ODF2L: variants seen among roughly 807,000 people sequenced by gnomAD.
ODF2L encodes outer dense fiber of sperm tails 2 like, also known as protein BCAP.
A neutral mutation model predicts 86.3 loss-of-function variants in ODF2L; 76 were observed. The observed-to-expected ratio is 0.88, with a 90% CI of 0.73 to 1.07. The LOEUF (loss-of-function observed/expected upper bound fraction) is 1.07, where lower values mean the gene tolerates loss of function less well. ODF2L is among the 50% of genes least tolerant of loss of function. The pLI is 0.00. For missense variants in ODF2L, 748 were observed against 717.4 expected, an observed-to-expected ratio of 1.04 and a Z score of -0.49; for synonymous variants, 241 against 231.3, an observed-to-expected ratio of 1.04 and a Z score of -0.38.
intron 1 of ODF2L, 80 bp from the exon 2 acceptor site, chr1:86,387,166 A>C: frequency 2.0e-6 from 1 of 490,582 alleles, no homozygotes; most frequent in Middle Eastern, 5.1e-4. Flanking sequence ...AAAGGTTATA[A>C]GGATGTGTAA....
chr1:86,383,236 ATT>A (rs967887259), intron 4 of ODF2L, 40 bp from the exon 5 acceptor site: 2 of 1,019,956 alleles, frequency 2.0e-6, no homozygotes, highest in Non-Finnish European at 2.9e-6. Flanking sequence ...CGCAAATTAT[ATT>A]TCTCTATATA....
rs981372378 is a variant in ODF2L at position 86,353,015 on chromosome 1, G to A, written c.1768-31C>T. 33 of 1,389,700 alleles carry A rather than the reference G, an allele frequency of 2.4e-5. No homozygotes were observed. In the Admixed American group the frequency reaches 6.0e-4, roughly 25 times the overall value. 86.1% of individuals were successfully genotyped at this position (1,389,700 alleles called of 1,614,324 possible). A position where few individuals can be genotyped will look rare whatever the true frequency, so the allele number is the denominator to read the frequency against. ...ATTTTTATCAAAAGAGTAAAATAAAGTGCTTTCTTTAAAATATGATTTAAA... is the reference window on the plus strand; with the variant it reads ...ATTTTTATCAAAAGAGTAAAATAAAATGCTTTCTTTAAAATATGATTTAAA... On this transcript the variant is annotated intron_variant, in intron 16 of 17. Transcript: ENST00000317336.
chr1:86,390,242 G>A (rs760262085), intron 1 of ODF2L, among the ~76,000 whole-genome samples: 1 of 152,130 alleles, frequency 6.6e-6, no homozygotes, highest in Non-Finnish European at 1.5e-5. Flanking sequence ...CCAAGATGGT[G>A]AAACTCTGTC....
intron 1 of ODF2L, among the ~76,000 whole-genome samples, chr1:86,391,260 T>C (rs1439637375): frequency 1.3e-5 from 2 of 152,166 alleles, no homozygotes; most frequent in Admixed American, 6.5e-5. Flanking sequence ...AGGGCCATAC[T>C]GCCAAAAGCA....
chr1:86,387,669 T>A (rs1013913290), intron 1 of ODF2L, among the ~76,000 whole-genome samples: 13 of 152,118 alleles, frequency 8.5e-5, no homozygotes, highest in African/African-American at 3.1e-4. Flanking sequence ...AATCTAATTG[T>A]TTTTACTCAC....
chr1:86,389,046 G>C (rs1220301679), intron 1 of ODF2L, among the ~76,000 whole-genome samples: 1 of 152,120 alleles, frequency 6.6e-6, no homozygotes, highest in Non-Finnish European at 1.5e-5. Context: ...CACTGCTTTT[G>C]TGTTGTGATA....
chr1:86,384,689 C>T, exon 4 of ODF2L: 2 of 1,491,774 alleles, frequency 1.3e-6, no homozygotes, highest in Non-Finnish European at 8.9e-7. Context: ...TTTGTAGTCT[C>T]TCTTTCTAAG....
At chr1:86,385,312 C>T in intron 3 of ODF2L, 146 bp downstream of exon 3, 1 of 517,298 alleles carries the variant, frequency 1.9e-6, no homozygotes, top group Non-Finnish European at 3.4e-6. Flanking sequence ...GTTAATGACA[C>T]AGGAATAAAG....
At chr1:86,381,078 G>A (rs557683575) in intron 7 of ODF2L, among the ~76,000 whole-genome samples, 1 of 152,150 alleles carries the variant, frequency 6.6e-6, no homozygotes, top group South Asian at 2.1e-4. Context: ...GAGAGAAAAT[G>A]TAGAAAAATT....
intron 1 of ODF2L, among the ~76,000 whole-genome samples, chr1:86,393,652 C>T (rs1661493981): frequency 6.6e-6 from 1 of 152,200 alleles, no homozygotes; most frequent in African/African-American, 2.4e-5. Flanking sequence ...CATTCCATTT[C>T]CTTCTCAAAG....
At chr1:86,367,813 G>A (rs1358370839) in intron 11 of ODF2L, among the ~76,000 whole-genome samples, 3 of 152,122 alleles carry the variant, frequency 2.0e-5, no homozygotes, top group Non-Finnish European at 2.9e-5. Context: ...CAAAGTGAAC[G>A]TGGGGAGAAC....
rs12081599 is a variant in ODF2L at position 86,363,642 on chromosome 1, G to T, written c.1144-3106C>A. On this transcript the variant is annotated intron_variant, in intron 11 of 17. Coordinates refer to ENST00000317336, the Ensembl canonical transcript of ODF2L. ...TTTTTATTTACAATAGTAAAAAACT[G>T]GAAGTAGCTATTGGAAGTAGTGTAT... Among the ~76,000 whole-genome samples, 1,147 of 151,862 alleles carry T rather than the reference G, an allele frequency of 7.6e-3. 9 individuals carry two copies. Among genetic ancestry groups the T allele is most frequent in the African/African-American group, 0.026 (1,092 of 41,432 alleles).
exon 13 of ODF2L, chr1:86,358,793 T>C (rs2100816793): frequency 7.7e-7 from 1 of 1,303,844 alleles, no homozygotes; most frequent in Non-Finnish European, 1.1e-6. Flanking sequence ...GTACCTTCTC[T>C]ACATTTTTAT....
chr1:86,352,456 A>G (rs999290764), intron 17 of ODF2L, among the ~76,000 whole-genome samples: 1 of 152,184 alleles, frequency 6.6e-6, no homozygotes, highest in African/African-American at 2.4e-5. Flanking sequence ...CTACAAAATT[A>G]TAACTTTCTA....
At position 86,359,519 on chromosome 1, in the gene ODF2L, CTT is replaced by C. The variant is rs5775904; in HGVS notation, c.1255-630_1255-629del. On this transcript the variant is annotated intron_variant, in intron 12 of 17. Coordinates refer to ENST00000317336, the Ensembl canonical transcript of ODF2L. ...CTTAAGCTTTCATCCTTAGTTCATT[CTT>C]TTTTTTTTTTTTTTTTTTTGAGATG... Among the ~76,000 whole-genome samples, 950 of 95,092 alleles carry C rather than the reference CTT, an allele frequency of 1.0e-2. 2 individuals carry two copies. The highest frequency in any genetic ancestry group is 0.015 in the South Asian group (38 of 2,522). The allele number at this position is 95,092 out of a possible 152,430, so 62.4% of individuals were successfully genotyped here. A position where few individuals can be genotyped will look rare whatever the true frequency, so the allele number is the denominator to read the frequency against.
chr1:86,390,728 A>T (rs922877410), intron 1 of ODF2L, among the ~76,000 whole-genome samples: 1 of 152,222 alleles, frequency 6.6e-6, no homozygotes. Context: ...CCAACATAAT[A>T]CTGAATGGGG....
exon 18 of ODF2L, chr1:86,350,418 G>C (rs979484752): frequency 1.3e-5 from 2 of 151,580 alleles, no homozygotes; most frequent in Admixed American, 6.6e-5. Context: ...CCATGTCCCT[G>C]CAAAGGACAT....
At chr1:86,359,595 C>G (rs1435147553) in intron 12 of ODF2L, among the ~76,000 whole-genome samples, 1 of 146,978 alleles carries the variant, frequency 6.8e-6, no homozygotes, top group Non-Finnish European at 1.5e-5. Context: ...GCAGTCTCGG[C>G]TCACTGCAAC....
downstream of ODF2L, chr1:86,348,932 G>A: frequency 6.7e-7 from 1 of 1,493,310 alleles, no homozygotes; most frequent in Non-Finnish European, 8.9e-7. Context: ...TCATTCCAAA[G>A]GACCAGAGTC....
Sources: allele counts gnomAD v4.1 joint callset (sites outside exome capture counted in the v4.1 genomes callset), GRCh38; gene constraint gnomAD v4.1.1; transcripts MANE v1.5; gene names NCBI Gene and HGNC (gene_info 2026-07-23, HGNC 2026-07-21).